The following MKLN1 variants were observed in gnomAD, a reference collection of about 807,000 sequenced individuals.
MKLN1 encodes the protein muskelin.
Under a neutral mutation model 99.0 loss-of-function variants are expected in MKLN1, and 18 were observed. The ratio of observed to expected loss-of-function variants is 0.18; its 90% CI spans 0.13 to 0.27. The LOEUF is 0.27. Among genes scored for constraint, MKLN1 ranks in the 10% least tolerant of loss-of-function variants. The pLI is 1.00. For synonymous variants in MKLN1, 288 were observed against 293.2 expected, an observed-to-expected ratio of 0.98 and a Z score of 0.18; for missense variants, 621 against 875.9, an observed-to-expected ratio of 0.71 and a Z score of 3.67.
At chr7:131,175,346 C>T (rs187497759) in intron 2 of MKLN1, among the ~76,000 whole-genome samples, 37 of 152,134 alleles carry the variant, frequency 2.4e-4, no homozygotes, top group Admixed American at 6.5e-4. Context: ...CTGACAATAG[C>T]TTAAGCAAAG....
At chr7:131,144,379 G>T (rs1452648292) in intron 2 of MKLN1, among the ~76,000 whole-genome samples, 1 of 151,474 alleles carries the variant, frequency 6.6e-6, no homozygotes, top group Non-Finnish European at 1.5e-5. Flanking sequence ...CTACTCGGGA[G>T]GCCAAGGAAG....
At chr7:131,235,647 G>A (rs987951016) in intron 3 of MKLN1, among the ~76,000 whole-genome samples, 6 of 152,116 alleles carry the variant, frequency 3.9e-5, no homozygotes, top group Non-Finnish European at 8.8e-5. Flanking sequence ...GATGTAAATA[G>A]GACTTCACTG....
intron 7 of MKLN1, among the ~76,000 whole-genome samples, chr7:131,411,906 C>CAAAAAAAAAAAAAAAAAAAAAAAAAAA (rs34182914): frequency 1.9e-4 from 10 of 53,106 alleles, no homozygotes; most frequent in Non-Finnish European, 2.8e-4. Flanking sequence ...GATTCCATCT[C>CAAAAAAAAAAAAAAAAAAAAAAAAAAA]AAAAAAAAAA....
At chr7:131,129,861 C>A (rs1252947699) in intron 1 of MKLN1, among the ~76,000 whole-genome samples, 1 of 152,142 alleles carries the variant, frequency 6.6e-6, no homozygotes, top group Non-Finnish European at 1.5e-5. Flanking sequence ...CAGGTGTGAG[C>A]CACCATGCCC....
At chr7:131,282,981 C>T (rs1798073898) in intron 3 of MKLN1, among the ~76,000 whole-genome samples, 1 of 152,158 alleles carries the variant, frequency 6.6e-6, no homozygotes, top group Non-Finnish European at 1.5e-5. Context: ...TTAGGATGCT[C>T]ACAAGGCCAG....
intron 2 of MKLN1, among the ~76,000 whole-genome samples, chr7:131,186,467 C>T (rs1381948857): frequency 1.3e-5 from 2 of 152,110 alleles, no homozygotes; most frequent in African/African-American, 2.4e-5. Context: ...ATGATCGTGC[C>T]ACTGCCCTCT....
chr7:131,315,258 A>G (rs1324154677), intron 3 of MKLN1, among the ~76,000 whole-genome samples: 2 of 151,714 alleles, frequency 1.3e-5, no homozygotes, highest in African/African-American at 4.8e-5. Flanking sequence ...AGTGGGTGCA[A>G]CCCATGGAGA....
chr7:131,471,042 CG>C, intron 16 of MKLN1, 98 bp downstream of exon 16: 1 of 761,032 alleles, frequency 1.3e-6, no homozygotes, highest in Non-Finnish European at 2.1e-6. Context: ...TAAAGGAAAA[CG>C]AAGAAAATAT....
rs1355016287 is a variant in MKLN1 at position 131,187,694 on chromosome 7, T to G, written c.-296-15163T>G. On this transcript the variant is annotated intron_variant, in intron 2 of 7. Transcript: ENST00000416992. ...CTGTAACCTCAGCACTTTGGGACGC[T>G]GAGATGGAAGGATCACTTGAGTCCA... 2.6e-5 allele frequency among the ~76,000 whole-genome samples: 4 copies of G among 152,116 alleles called. No homozygotes were observed. The East Asian group carries it at 5.8e-4, about 22-fold the overall frequency.
intron 2 of MKLN1, among the ~76,000 whole-genome samples, chr7:131,158,221 C>A (rs1215119575): frequency 1.3e-5 from 2 of 152,188 alleles, no homozygotes; most frequent in Non-Finnish European, 2.9e-5. Context: ...AGGCGGATCA[C>A]CTGACGTCAG....
intron 1 of MKLN1, among the ~76,000 whole-genome samples, chr7:131,137,951 G>C (rs558521140): frequency 4.1e-4 from 44 of 106,912 alleles, no homozygotes; most frequent in African/African-American, 1.5e-3. Flanking sequence ...TTTTGACAGA[G>C]TTTCACTCTT....
In MKLN1 at chr7:131,112,224, C is replaced by T. The variant is rs548087551; in HGVS notation, c.-419+2017C>T. On this transcript the variant is annotated intron_variant, in intron 1 of 7. Transcript: ENST00000416992. ...ATTGTAGGTCTTATGTCAGTTTCTT[C>T]GTGGAAGCTTAAATGAAAGTGCTGG... 4.6e-5 allele frequency among the ~76,000 whole-genome samples: 7 copies of T among 152,292 alleles called. No homozygotes were observed. In the Middle Eastern group the frequency reaches 0.01, roughly 222 times the overall value.
intron 3 of MKLN1, among the ~76,000 whole-genome samples, chr7:131,268,339 T>G (rs1797837689): frequency 6.6e-6 from 1 of 152,220 alleles, no homozygotes; most frequent in African/African-American, 2.4e-5. Context: ...TTCTTTCTAC[T>G]TGTGACCAAG....
At chr7:131,306,790 G>T (rs1320702412) in intron 3 of MKLN1, among the ~76,000 whole-genome samples, 1 of 152,198 alleles carries the variant, frequency 6.6e-6, no homozygotes. Flanking sequence ...CCATGTGGAA[G>T]AATAGAAAAA....
At chr7:131,160,504 T>TATTA (rs1302254150) in intron 2 of MKLN1, among the ~76,000 whole-genome samples, 1 of 121,800 alleles carries the variant, frequency 8.2e-6, no homozygotes, top group Admixed American at 7.5e-5. Context: ...TTATTATTAT[T>TATTA]ATTATTATTA....
At chr7:131,258,805 T>C (rs575404875) in intron 3 of MKLN1, among the ~76,000 whole-genome samples, 6 of 152,318 alleles carry the variant, frequency 3.9e-5, no homozygotes, top group African/African-American at 1.2e-4. Context: ...AGGATGGAGA[T>C]GAATTTCATA....
At chr7:131,441,694 A>T (rs1015703700) in intron 10 of MKLN1, among the ~76,000 whole-genome samples, 3 of 152,234 alleles carry the variant, frequency 2.0e-5, no homozygotes, top group Admixed American at 6.5e-5. Context: ...AGATGTTTAT[A>T]CTTCAGCCCT....
chr7:131,150,199 AT>A (rs1454506435), intron 2 of MKLN1, among the ~76,000 whole-genome samples: 1 of 152,200 alleles, frequency 6.6e-6, no homozygotes, highest in Non-Finnish European at 1.5e-5. Context: ...ACCATTGTTC[AT>A]AACTTAAAAG....
chr7:131,264,512 A>G (rs913652251), intron 3 of MKLN1, among the ~76,000 whole-genome samples: 2 of 152,230 alleles, frequency 1.3e-5, no homozygotes, highest in African/African-American at 4.8e-5. Context: ...TTTCAAAAGT[A>G]AGAATTTGGG....
Sources: gnomAD v4.1 joint callset for allele counts (sites outside exome capture counted in the v4.1 genomes callset) on GRCh38, gnomAD v4.1.1 for gene constraint, MANE v1.5 for transcripts, NCBI Gene and HGNC (gene_info 2026-07-23, HGNC 2026-07-21) for gene names.